The following TBC1D4 variants were observed in gnomAD, a reference collection of about 807,000 sequenced individuals.
The protein encoded by TBC1D4 is TBC1 domain family member 4, also known as TBC (Tre-2, BUB2, CDC16) domain-containing protein.
Under a neutral mutation model 142.5 loss-of-function variants are expected in TBC1D4, and 121 were observed. That is an observed-to-expected ratio of 0.85 (90% CI 0.73 to 0.99). The LOEUF (loss-of-function observed/expected upper bound fraction) is 0.99. Ranked by LOEUF, TBC1D4 falls within the 50% of genes least tolerant of loss-of-function variation. The probability of loss-of-function intolerance (pLI) is 0.00; values close to 1 mark genes in which losing one functional copy is unlikely to be tolerated. For synonymous variants in TBC1D4, 630 were observed against 628.2 expected (o/e 1.00, Z -0.04); for missense variants, 1,475 against 1,606.6 (o/e 0.92, Z 1.40).
At chr13:75,293,352 T>C (rs1156393604) in intron 18 of TBC1D4, among the ~76,000 whole-genome samples, 1 of 152,226 alleles carries the variant, frequency 6.6e-6, no homozygotes, top group African/African-American at 2.4e-5. Flanking sequence ...TCCATTGTTT[T>C]ATAAATTCAA....
At chr13:75,301,082 T>C (rs1405703528) in intron 16 of TBC1D4, among the ~76,000 whole-genome samples, 1 of 152,176 alleles carries the variant, frequency 6.6e-6, no homozygotes, top group Non-Finnish European at 1.5e-5. Context: ...TGGCTAGTGA[T>C]TTTTCATATG....
At chr13:75,342,041 T>G (rs1171484735) in intron 5 of TBC1D4, among the ~76,000 whole-genome samples, 1 of 151,806 alleles carries the variant, frequency 6.6e-6, no homozygotes, top group South Asian at 2.1e-4. Context: ...CTACTAAAAA[T>G]ACAAAAATTA....
intron 1 of TBC1D4, among the ~76,000 whole-genome samples, chr13:75,385,643 C>T (rs1412078737): frequency 1.3e-5 from 2 of 152,212 alleles, no homozygotes; most frequent in Admixed American, 6.5e-5. Context: ...TACGTGTGCA[C>T]TTTCTAGATA....
chr13:75,289,485 A>G (rs986577359), intron 19 of TBC1D4, among the ~76,000 whole-genome samples: 2 of 152,078 alleles, frequency 1.3e-5, no homozygotes, highest in Admixed American at 1.3e-4. Context: ...TACTAGATAA[A>G]CAACATTAGT....
intron 1 of TBC1D4, among the ~76,000 whole-genome samples, chr13:75,422,437 G>A (rs1223688171): frequency 6.6e-6 from 1 of 152,084 alleles, no homozygotes; most frequent in Non-Finnish European, 1.5e-5. Flanking sequence ...CATTACTCTG[G>A]TATCAAGCAA....
intron 16 of TBC1D4, among the ~76,000 whole-genome samples, chr13:75,299,823 CAAA>C (rs56719877): frequency 0.041 from 4,376 of 105,682 alleles, 43 homozygotes; most frequent in African/African-American, 0.068. Flanking sequence ...TTCTTTCCAG[CAAA>C]AAAAAAAAAA....
rs140077649 is a variant in TBC1D4, at chr13:75,409,727, T to A, written c.499-47120A>T. Among the ~76,000 whole-genome samples the A allele has an allele frequency of 3.8e-3, 584 of 152,348 alleles. 3 individuals carry two copies. The highest frequency in any genetic ancestry group is 0.013 in the African/African-American group (560 of 41,580). ...TATATTCTGCTGTCAACAAAGGCTTTCAAGGAGGCAATAAATGTTCTCTGC... is the reference window on the plus strand; with the variant it reads ...TATATTCTGCTGTCAACAAAGGCTTACAAGGAGGCAATAAATGTTCTCTGC... On this transcript the variant is annotated intron_variant, in intron 1 of 20. Coordinates refer to ENST00000377636, the MANE Select transcript of TBC1D4 (RefSeq NM_014832.5).
At chr13:75,454,358 T>C (rs1327611778) in intron 1 of TBC1D4, among the ~76,000 whole-genome samples, 1 of 152,216 alleles carries the variant, frequency 6.6e-6, no homozygotes, top group African/African-American at 2.4e-5. Flanking sequence ...TCTAACATTC[T>C]GAAATGTTAT....
chr13:75,369,308 A>G (rs1883095172), intron 1 of TBC1D4, among the ~76,000 whole-genome samples: 1 of 152,174 alleles, frequency 6.6e-6, no homozygotes. Flanking sequence ...AGCCTGGGAA[A>G]CATAGGGAGA....
chr13:75,320,068 T>G (rs759029184), intron 11 of TBC1D4, 31 bp from the exon 12 acceptor site: 32 of 1,612,330 alleles, frequency 2.0e-5, no homozygotes, highest in Non-Finnish European at 2.6e-5. Context: ...GGAATGGAAT[T>G]AGCACACACA....
intron 17 of TBC1D4, 78 bp from the exon 18 acceptor site, chr13:75,295,091 T>C (rs1055347052): frequency 1.5e-6 from 2 of 1,321,404 alleles, no homozygotes; most frequent in Non-Finnish European, 1.1e-6. Context: ...TTTAATTTTA[T>C]TCTAATATTT....
At chr13:75,397,439 G>A (rs1400987282) in intron 1 of TBC1D4, among the ~76,000 whole-genome samples, 6 of 152,174 alleles carry the variant, frequency 3.9e-5, no homozygotes, top group Admixed American at 2.0e-4. Context: ...AACTAATACA[G>A]AATGTAAGGG....
chr13:75,341,142 T>C lies in TBC1D4; in HGVS notation c.1594A>G (p.Ile532Val), dbSNP rs774714689. ...CEAKQKTHVH[I>V]GEGPSTISNS... ...CTTCTCACAGAAGGGCCTTCCCCGA[T>C]GTGCACGTGTGTCTTCTGCTTGGCT... is the stretch of plus-strand genomic sequence containing the variant. The change falls in exon 7 of 21, where the codon ATC becomes GTC. Residue 532 changes from isoleucine to valine, a missense_variant. Around this residue, in one of 2 missense-constraint regions of TBC1D4, gnomAD observed 1,227 missense variants for 1,267.7 expected, o/e 0.97. Coordinates refer to ENST00000377636, the MANE Select transcript of TBC1D4 (RefSeq NM_014832.5). 1.2e-6 allele frequency: 2 copies of C among 1,613,346 alleles called. No individual in the cohort carries two copies. The highest frequency in any genetic ancestry group is 1.7e-6 in the Non-Finnish European group (2 of 1,179,784).
chr13:75,466,897 T>TAA (rs530953510), intron 1 of TBC1D4, among the ~76,000 whole-genome samples: 1 of 147,354 alleles, frequency 6.8e-6, no homozygotes, highest in Admixed American at 6.8e-5. Context: ...ATTTAAAAAT[T>TAA]AAAAAAAAAA....
At chr13:75,410,935 CAAAAAAAAAAAAA>C (rs60172018) in intron 1 of TBC1D4, among the ~76,000 whole-genome samples, 48 of 63,238 alleles carry the variant, frequency 7.6e-4, no homozygotes, top group African/African-American at 2.7e-3. Flanking sequence ...GACTCCGTCT[CAAAAAAAAAAAAA>C]AAAAAAAAAA....
At chr13:75,295,171 AG>A (rs1183000523) in intron 17 of TBC1D4, among the ~76,000 whole-genome samples, 158 bp from the exon 18 acceptor site, 1 of 152,228 alleles carries the variant, frequency 6.6e-6, no homozygotes, top group East Asian at 1.9e-4. Flanking sequence ...CTAAAATCCA[AG>A]TTCACTTAAC....
chr13:75,443,051 T>C (rs1887116892), intron 1 of TBC1D4, among the ~76,000 whole-genome samples: 1 of 152,216 alleles, frequency 6.6e-6, no homozygotes, highest in Non-Finnish European at 1.5e-5. Flanking sequence ...CTCTGTTTAT[T>C]TGATGAAGTT....
chr13:75,374,148 T>C, intron 1 of TBC1D4, among the ~76,000 whole-genome samples: 1 of 152,152 alleles, frequency 6.6e-6, no homozygotes. Flanking sequence ...GCAGGAGCTG[T>C]GTCATGACTA....
At chr13:75,467,597 G>A (rs1455355719) in intron 1 of TBC1D4, among the ~76,000 whole-genome samples, 2 of 152,192 alleles carry the variant, frequency 1.3e-5, no homozygotes, top group African/African-American at 2.4e-5. Flanking sequence ...TTTGAGGAAG[G>A]AGGTGGAAGC....
Sources: allele counts gnomAD v4.1 joint callset (sites outside exome capture counted in the v4.1 genomes callset), GRCh38; gene constraint gnomAD v4.1.1; regional missense constraint gnomAD v4.1.1; transcripts MANE v1.5; gene names NCBI Gene and HGNC (gene_info 2026-07-23, HGNC 2026-07-21).